Variants in FABP12 observed in about 807,000 individuals in gnomAD.
FABP12 encodes fatty acid-binding protein 12.
In FABP12, 19 loss-of-function variants were observed where a neutral mutation model predicts 13.7. That is an observed-to-expected ratio of 1.39 (90% CI 0.97 to 2.04). The LOEUF (loss-of-function observed/expected upper bound fraction) is 2.04, where lower values mean the gene tolerates loss of function less well. Ranked by LOEUF, FABP12 falls within the 30% of genes most tolerant of loss-of-function variation. The pLI, the probability that FABP12 is intolerant of heterozygous loss-of-function variation, is 0.00. For missense variants in FABP12, 182 were observed against 164.2 expected (o/e 1.11, Z -0.59); for synonymous variants, 61 against 57.0 (o/e 1.07, Z -0.32).
chr8:81,543,287 A>G (rs956895223), intron 1 of FABP12, among the ~76,000 whole-genome samples: 1 of 152,232 alleles, frequency 6.6e-6, no homozygotes, highest in African/African-American at 2.4e-5. Flanking sequence ...CTGAATGATG[A>G]CATTCCAGAA....
chr8:81,539,122 T>C (rs1350516799), intron 2 of FABP12, among the ~76,000 whole-genome samples: 1 of 152,184 alleles, frequency 6.6e-6, no homozygotes, highest in Non-Finnish European at 1.5e-5. Context: ...GTGCTGAGAT[T>C]ACAGATGTGA....
intron 1 of FABP12, among the ~76,000 whole-genome samples, chr8:81,562,684 C>G (rs569491851): frequency 2.4e-4 from 37 of 152,096 alleles, no homozygotes; most frequent in Non-Finnish European, 4.4e-4. Flanking sequence ...GAAGAGACTC[C>G]CCTGCTTGTG....
At chr8:81,570,559 T>G (rs763810682) in intron 1 of FABP12, among the ~76,000 whole-genome samples, 3 of 152,116 alleles carry the variant, frequency 2.0e-5, no homozygotes, top group Non-Finnish European at 2.9e-5. Flanking sequence ...CAGGTCGTCC[T>G]GACAAGTTTT....
upstream of FABP12, among the ~76,000 whole-genome samples, chr8:81,534,948 A>ATT (rs1809185994): frequency 6.6e-6 from 1 of 152,096 alleles, no homozygotes; most frequent in Non-Finnish European, 1.5e-5. Context: ...AAAAAATTAA[A>ATT]AAAAAAATGT....
intron 3 of FABP12, 68 bp downstream of exon 3, chr8:81,529,370 A>C (rs1418980620): frequency 6.7e-7 from 1 of 1,482,918 alleles, no homozygotes; most frequent in Non-Finnish European, 9.4e-7. Flanking sequence ...AGAATTGCTT[A>C]CTTACCGAGG....
chr8:81,567,759 CTT>C (rs1408346687), intron 1 of FABP12, among the ~76,000 whole-genome samples: 1 of 152,204 alleles, frequency 6.6e-6, no homozygotes, highest in Non-Finnish European at 1.5e-5. Flanking sequence ...GCAAAGATCT[CTT>C]GAGTAATACT....
intron 1 of FABP12, among the ~76,000 whole-genome samples, chr8:81,531,847 G>A (rs1031577811): frequency 1.3e-5 from 2 of 152,088 alleles, no homozygotes; most frequent in Non-Finnish European, 2.9e-5. Context: ...GTTAAGTTTA[G>A]TAAGGGCTAG....
At chr8:81,582,911 C>T (rs1241001276) in intron 1 of FABP12, among the ~76,000 whole-genome samples, 1 of 152,158 alleles carries the variant, frequency 6.6e-6, no homozygotes, top group African/African-American at 2.4e-5. Context: ...ACATATTCTT[C>T]TCAGTACATG....
intron 1 of FABP12, among the ~76,000 whole-genome samples, chr8:81,578,733 C>A (rs1211720793): frequency 6.6e-6 from 1 of 151,426 alleles, no homozygotes; most frequent in Admixed American, 6.6e-5. Context: ...ATCCGTCCAC[C>A]TCGGCCTCCT....
rs199820562 is a variant in FABP12, at chr8:81,529,491, A to G, written c.193T>C (p.Phe65Leu). The change falls in exon 3 of 5, where the codon TTT (phenylalanine) becomes CTT (leucine). Residue 65 changes from phenylalanine to leucine, a missense_variant. Coordinates refer to ENST00000360464, the Ensembl canonical transcript of FABP12. The stretch of plus-strand genomic sequence containing the variant: ...TCCTCAAACTCTTCTCCCAGCTTAA[A>G]GGAGATCTCATTATTTTTAAAGATG... 5.9e-5 allele frequency: 95 copies of G among 1,613,958 alleles called. No individual in the cohort carries two copies. In the East Asian group the frequency reaches 2.1e-3, roughly 35 times the overall value.
chr8:81,544,016 G>T (rs1031219711), intron 1 of FABP12, among the ~76,000 whole-genome samples: 1 of 152,290 alleles, frequency 6.6e-6, no homozygotes, highest in South Asian at 2.1e-4. Context: ...AGGAAATAAA[G>T]ATCTGGATCA....
At chr8:81,529,676 T>A (rs1047105802) in intron 2 of FABP12, 66 bp from the exon 3 acceptor site, 1 of 1,353,240 alleles carries the variant, frequency 7.4e-7, no homozygotes, top group African/African-American at 1.5e-5. Flanking sequence ...TACATTACAA[T>A]ACAATACTTA....
chr8:81,528,346 TG>T (rs1301870199), intron 3 of FABP12, among the ~76,000 whole-genome samples: 1 of 152,236 alleles, frequency 6.6e-6, no homozygotes, highest in African/African-American at 2.4e-5. Flanking sequence ...CCCAAAGTGC[TG>T]GGATTACAGG....
chr8:81,579,629 A>G (rs1462640262), intron 1 of FABP12, among the ~76,000 whole-genome samples: 3 of 152,172 alleles, frequency 2.0e-5, no homozygotes, highest in Non-Finnish European at 2.9e-5. Flanking sequence ...TTGGCATGTC[A>G]CTAGTGTAAT....
chr8:81,555,237 A>G (rs1053586732), intron 1 of FABP12, among the ~76,000 whole-genome samples: 2 of 152,224 alleles, frequency 1.3e-5, no homozygotes, highest in African/African-American at 4.8e-5. Flanking sequence ...ATATTTGACT[A>G]TTCTGTGCCA....
chr8:81,531,160 A>G, intron 2 of FABP12, 83 bp downstream of exon 2: 1 of 879,238 alleles, frequency 1.1e-6, no homozygotes, highest in Non-Finnish European at 1.8e-6. Flanking sequence ...GTTCAAGATT[A>G]ATATTATTTT....
chr8:81,549,817 A>G (rs1809496595), intron 1 of FABP12, among the ~76,000 whole-genome samples: 1 of 152,210 alleles, frequency 6.6e-6, no homozygotes, highest in Admixed American at 6.5e-5. Context: ...TTAGACTTCA[A>G]ATGATTTAAA....
chr8:81,589,800 A>T (rs1162042275), intron 1 of FABP12, among the ~76,000 whole-genome samples: 1 of 152,216 alleles, frequency 6.6e-6, no homozygotes, highest in Non-Finnish European at 1.5e-5. Context: ...CAAAGAAAAC[A>T]GCTGGCTCTG....
chr8:81,547,460 G>A (rs1294632060), intron 1 of FABP12, among the ~76,000 whole-genome samples: 1 of 152,132 alleles, frequency 6.6e-6, no homozygotes, highest in East Asian at 1.9e-4. Context: ...TAATTACTAT[G>A]CCTTCATTTT....
Sources: gnomAD v4.1 joint callset for allele counts (sites outside exome capture counted in the v4.1 genomes callset) on GRCh38, gnomAD v4.1.1 for gene constraint, MANE v1.5 for transcripts, NCBI Gene and HGNC (gene_info 2026-07-23, HGNC 2026-07-21) for gene names.